Variants in FHL1 observed in about 807,000 individuals in gnomAD.
FHL1 encodes four and a half LIM domains protein 1.
In FHL1, 1 loss-of-function variant was observed where a neutral mutation model predicts 20.3. The observed-to-expected ratio is 0.05, with a 90% CI of 0.02 to 0.23. FHL1 has a LOEUF of 0.23. Ranked by LOEUF, FHL1 falls within the 10% of genes least tolerant of loss-of-function variation. The pLI, the probability that FHL1 is intolerant of heterozygous loss-of-function variation, is 1.00. For synonymous variants in FHL1, 82 were observed against 88.9 expected (o/e 0.92, Z 0.44); for missense variants, 177 against 234.0 (o/e 0.76, Z 1.59).
At chrX:136,198,353 A>T (rs2073614924) in intron 1 of FHL1, among the ~76,000 whole-genome samples, 1 of 111,871 alleles carries the variant, frequency 8.9e-6, no homozygotes, top group Non-Finnish European at 1.9e-5. Context: ...ATAGTGACAG[A>T]AAGTTTAAAA....
intron 1 of FHL1, among the ~76,000 whole-genome samples, chrX:136,151,694 C>G (rs137962053): frequency 0.03 from 3,368 of 111,969 alleles, 56 homozygotes; most frequent in Middle Eastern, 0.061. Context: ...GCCTGGGCGA[C>G]AGAGTGAGAC....
chrX:136,183,529 A>C (rs765942543), intron 2 of FHL1, among the ~76,000 whole-genome samples: 2 of 111,413 alleles, frequency 1.8e-5, no homozygotes, highest in East Asian at 5.6e-4. Context: ...GTTATAGCTC[A>C]AGTTTATGTA....
intron 1 of FHL1, among the ~76,000 whole-genome samples, chrX:136,150,235 A>G (rs2148256524): frequency 8.9e-6 from 1 of 112,444 alleles, no homozygotes; most frequent in South Asian, 3.7e-4. Flanking sequence ...TTTTCATGTA[A>G]GAAATTAACC....
At position 136,210,720 on chromosome X, in the gene FHL1, T is replaced by C. The variant is rs1424981647; in HGVS notation, c.*695T>C. 2 of 388,950 alleles carry C rather than the reference T, an allele frequency of 5.1e-6. No homozygotes were observed. The highest frequency in any genetic ancestry group is 9.7e-6 in the Non-Finnish European group (2 of 206,342). 32.1% of individuals were successfully genotyped at this position (388,950 alleles called of 1,213,427 possible). On this transcript the variant is annotated 3_prime_UTR_variant, in exon 6 of 6. Coordinates refer to ENST00000370683, the MANE Select transcript of FHL1 (RefSeq NM_001159699.2). Reference sequence around the variant, plus strand: ...GTGATTTGGGAAGTGTAGAAAGACCTGAGAAAACGAGCCTGTTTCAGAGGA... The same window carrying C: ...GTGATTTGGGAAGTGTAGAAAGACCCGAGAAAACGAGCCTGTTTCAGAGGA...
chrX:136,158,443 G>A (rs1015328736), intron 1 of FHL1, among the ~76,000 whole-genome samples: 1 of 111,507 alleles, frequency 9.0e-6, no homozygotes, highest in African/African-American at 3.3e-5. Context: ...TGCCACTCTC[G>A]ATTTCTACTG....
upstream of FHL1, among the ~76,000 whole-genome samples, chrX:136,165,802 A>C (rs1353138383): frequency 8.9e-6 from 1 of 112,441 alleles, no homozygotes; most frequent in Non-Finnish European, 1.9e-5. Context: ...AGCAGTGTCC[A>C]TGACCACAAT....
At chrX:136,146,728 G>A (rs1175609688), upstream of FHL1, 2 of 325,208 alleles carry the variant, frequency 6.1e-6, no homozygotes, top group Non-Finnish European at 1.2e-5. Context: ...TATCACCAGA[G>A]CCCGGCACTG....
intron 1 of FHL1, among the ~76,000 whole-genome samples, chrX:136,158,708 T>C (rs2072488724): frequency 9.0e-6 from 1 of 111,653 alleles, no homozygotes; most frequent in East Asian, 2.8e-4. Context: ...GAAAGGATGG[T>C]TTTTGGATAA....
chrX:136,162,836 T>G (rs895307299), intron 1 of FHL1, among the ~76,000 whole-genome samples: 2 of 112,328 alleles, frequency 1.8e-5, no homozygotes, highest in Non-Finnish European at 3.8e-5. Context: ...ACTTTGTTTG[T>G]GCTGCTGTAA....
At chrX:136,194,714 C>T (rs1159582876), upstream of FHL1, among the ~76,000 whole-genome samples, 1 of 111,946 alleles carries the variant, frequency 8.9e-6, no homozygotes, top group African/African-American at 3.2e-5. Context: ...CAATGAAACC[C>T]GTGACTCCAG....
intron 1 of FHL1, among the ~76,000 whole-genome samples, chrX:136,160,566 G>A (rs765083743): frequency 2.7e-5 from 3 of 111,544 alleles, no homozygotes; most frequent in Non-Finnish European, 3.8e-5. Flanking sequence ...AGCTGGGACT[G>A]CAGGTGTGCA....
At chrX:136,172,124 C>T (rs976723701) in intron 2 of FHL1, among the ~76,000 whole-genome samples, 1 of 111,650 alleles carries the variant, frequency 9.0e-6, no homozygotes, top group Admixed American at 9.5e-5. Context: ...AAACTCCTGG[C>T]CTCAAGCGAT....
upstream of FHL1, among the ~76,000 whole-genome samples, chrX:136,193,116 C>T (rs1341951739): frequency 9.1e-6 from 1 of 109,776 alleles, no homozygotes; most frequent in African/African-American, 3.3e-5. Flanking sequence ...CATGAAACCA[C>T]GGAGAAATCC....
intron 1 of FHL1, 85 bp from the exon 2 acceptor site, chrX:136,206,322 C>T: frequency 1.8e-6 from 2 of 1,120,717 alleles, no homozygotes; most frequent in Non-Finnish European, 2.5e-6. Context: ...TCCAAGGCAG[C>T]ATTGTGCAGG....
intron 1 of FHL1, among the ~76,000 whole-genome samples, chrX:136,150,653 A>G (rs2072241199): frequency 8.9e-6 from 1 of 112,208 alleles, no homozygotes; most frequent in Admixed American, 9.5e-5. Context: ...TAAGCAGAAT[A>G]TATGACTTTT....
chrX:136,188,874 G>C (rs1308171647), intron 2 of FHL1, among the ~76,000 whole-genome samples: 1 of 111,405 alleles, frequency 9.0e-6, no homozygotes, highest in Non-Finnish European at 1.9e-5. Flanking sequence ...CATCTCCTGA[G>C]CTGTAGAGTC....
At chrX:136,154,853 C>T (rs1603241842) in intron 1 of FHL1, among the ~76,000 whole-genome samples, 1 of 111,091 alleles carries the variant, frequency 9.0e-6, no homozygotes, top group Admixed American at 9.5e-5. Context: ...ATTACAGGCA[C>T]GTGACACCAC....
chrX:136,200,855 A>C (rs1352233155), intron 1 of FHL1, among the ~76,000 whole-genome samples: 1 of 111,935 alleles, frequency 8.9e-6, no homozygotes, highest in Non-Finnish European at 1.9e-5. Flanking sequence ...CAGGAGTGAA[A>C]GTTTATTAAA....
At chrX:136,177,047 T>C (rs374842846) in intron 2 of FHL1, among the ~76,000 whole-genome samples, 2,693 of 30,137 alleles carry the variant, frequency 0.089, 34 homozygotes, top group Non-Finnish European at 0.21. Flanking sequence ...CACACACACA[T>C]AATGTCTCAA....
Sources: gnomAD v4.1 joint callset for allele counts (sites outside exome capture counted in the v4.1 genomes callset) on GRCh38, gnomAD v4.1.1 for gene constraint, MANE v1.5 for transcripts, NCBI Gene and HGNC (gene_info 2026-07-23, HGNC 2026-07-21) for gene names.